The following RBFOX1 variants were observed in gnomAD, a reference collection of about 807,000 sequenced individuals.
RBFOX1 encodes the protein RNA binding protein fox-1 homolog 1.
A neutral mutation model predicts 57.7 loss-of-function variants in RBFOX1; 8 were observed. That is an observed-to-expected ratio of 0.14 (90% CI 0.08 to 0.25). The LOEUF (loss-of-function observed/expected upper bound fraction) is 0.25. Among genes scored for constraint, RBFOX1 ranks in the 10% least tolerant of loss-of-function variants. The pLI is 1.00. For synonymous variants in RBFOX1, 326 were observed against 222.4 expected (o/e 1.47, Z -4.15); for missense variants, 611 against 548.5 (o/e 1.11, Z -1.14).
chr16:7,468,836 C>G (rs565977451), intron 4 of RBFOX1, among the ~76,000 whole-genome samples: 1 of 152,040 alleles, frequency 6.6e-6, no homozygotes, highest in Admixed American at 6.5e-5. Context: ...GATGGCTGAC[C>G]AAGAGTCAAG....
chr16:6,688,417 G>A lies in RBFOX1; in HGVS notation c.-16+33767G>A, dbSNP rs1044270175. 5.3e-5 allele frequency among the ~76,000 whole-genome samples: 8 copies of A among 152,238 alleles called. No individual in the cohort carries two copies. In the East Asian group the frequency reaches 1.5e-3, roughly 29 times the overall value. Reference sequence around the variant, plus strand: ...CAATTGGGCATGTGATTTGAGCAGGGACACAGATGCAAACCGTATTACCTG... The same window carrying A: ...CAATTGGGCATGTGATTTGAGCAGGAACACAGATGCAAACCGTATTACCTG... On this transcript the variant is annotated intron_variant, in intron 3 of 15. Coordinates refer to ENST00000550418, the MANE Select transcript of RBFOX1 (RefSeq NM_018723.4).
chr16:6,747,205 C>G (rs567471269), intron 3 of RBFOX1, among the ~76,000 whole-genome samples: 1 of 152,194 alleles, frequency 6.6e-6, no homozygotes, highest in South Asian at 2.1e-4. Flanking sequence ...GTCAGGAGTT[C>G]GAGACCAGCC....
At position 5,443,700 on chromosome 16, in the gene RBFOX1, T is replaced by C. The variant is rs146654461; in HGVS notation, c.220-23516T>C. 7.1e-4 allele frequency among the ~76,000 whole-genome samples: 108 copies of C among 152,340 alleles called. 1 individual carries two copies. The East Asian group carries it at 0.015, about 22-fold the overall frequency. On this transcript the variant is annotated intron_variant, in intron 1 of 2. Coordinates refer to the RBFOX1 transcript ENST00000585867. Reference sequence around the variant, plus strand: ...CCCCCATATAATAGCTAATATTTACTGAGTGTTTACTCTGGGTCAGGGACC... The same window carrying C: ...CCCCCATATAATAGCTAATATTTACCGAGTGTTTACTCTGGGTCAGGGACC...
rs147458678 is a variant in RBFOX1, at chr16:6,792,855, C to T, written c.-16+138205C>T. On this transcript the variant is annotated intron_variant, in intron 3 of 15. Transcript: ENST00000550418. ...ACCAGCCTGGACAAGATGGTGAAAC[C>T]CTGTCTCTACTAAAAATACAAAAAA... is the stretch of plus-strand genomic sequence containing the variant. Among the ~76,000 whole-genome samples the T allele has an allele frequency of 1.0e-3, 152 of 152,018 alleles. 2 individuals carry two copies. The East Asian group carries it at 0.028, about 28-fold the overall frequency.
chr16:5,317,436 T>G (rs2064273078), intron 1 of RBFOX1, among the ~76,000 whole-genome samples: 2 of 152,158 alleles, frequency 1.3e-5, no homozygotes, highest in South Asian at 4.1e-4. Context: ...GGTGAAACCC[T>G]GTCTCTACTA....
chr16:6,654,687 A>C (rs1416186688), intron 3 of RBFOX1, 37 bp downstream of exon 3: 10 of 1,460,238 alleles, frequency 6.8e-6, no homozygotes, highest in Middle Eastern at 1.7e-4. Flanking sequence ...GTTGCAAACA[A>C]AACAAGAACT....
intron 2 of RBFOX1, among the ~76,000 whole-genome samples, chr16:6,344,889 C>G (rs150706068): frequency 6.6e-6 from 1 of 150,922 alleles, no homozygotes; most frequent in African/African-American, 2.4e-5. Flanking sequence ...CGAGGTTTCA[C>G]CAGGTTGGCC....
intron 3 of RBFOX1, among the ~76,000 whole-genome samples, chr16:6,810,859 G>T (rs1258484217): frequency 6.6e-6 from 1 of 152,146 alleles, no homozygotes; most frequent in African/African-American, 2.4e-5. Flanking sequence ...CCAATCACAA[G>T]CCTCCCTCAA....
intron 4 of RBFOX1, among the ~76,000 whole-genome samples, chr16:7,454,365 C>T (rs934906598): frequency 1.3e-5 from 2 of 152,144 alleles, no homozygotes; most frequent in Non-Finnish European, 2.9e-5. Context: ...CAGTGTCTTG[C>T]CAGATTTTCT....
intron 2 of RBFOX1, among the ~76,000 whole-genome samples, chr16:6,319,452 C>A (rs967333982): frequency 3.9e-5 from 6 of 152,100 alleles, no homozygotes; most frequent in Non-Finnish European, 7.4e-5. Flanking sequence ...GATGGTCGAA[C>A]AGGTACAACA....
chr16:7,098,886 C>T (rs761979523), intron 4 of RBFOX1, among the ~76,000 whole-genome samples: 5 of 151,984 alleles, frequency 3.3e-5, no homozygotes, highest in South Asian at 4.2e-4. Flanking sequence ...TTGCAGTAAC[C>T]CTCAGTTTCT....
chr16:5,489,425 T>G (rs1198239234), intron 2 of RBFOX1, among the ~76,000 whole-genome samples: 1 of 152,210 alleles, frequency 6.6e-6, no homozygotes, highest in East Asian at 1.9e-4. Context: ...CCAGGTAGGT[T>G]AAAAGAACAG....
intron 4 of RBFOX1, among the ~76,000 whole-genome samples, chr16:7,193,748 A>G (rs1224467049): frequency 2.6e-5 from 4 of 152,200 alleles, no homozygotes; most frequent in African/African-American, 9.6e-5. Context: ...ACCAGCAACC[A>G]TGGTAGACAG....
In RBFOX1 at chr16:7,676,715, G is replaced by A. The variant is rs984845031; in HGVS notation, c.931-59G>A. On this transcript the variant is annotated intron_variant, in intron 13 of 15. Coordinates refer to ENST00000550418, the MANE Select transcript of RBFOX1 (RefSeq NM_018723.4). The stretch of plus-strand genomic sequence containing the variant: ...GCTGCTCTGGTGTGGTCTTGCCACT[G>A]GGCATCCCTGCATTGGGCTCCGCTA... 13 of 1,430,910 alleles carry A rather than the reference G, an allele frequency of 9.1e-6. No homozygotes were observed. The Admixed American group carries it at 1.5e-4, about 17-fold the overall frequency. 88.6% of individuals were successfully genotyped at this position (1,430,910 alleles called of 1,614,324 possible). A position where few individuals can be genotyped will look rare whatever the true frequency, so the allele number is the denominator to read the frequency against.
intron 3 of RBFOX1, among the ~76,000 whole-genome samples, chr16:5,661,568 T>A (rs2049651095): frequency 6.6e-6 from 1 of 152,234 alleles, no homozygotes; most frequent in South Asian, 2.1e-4. Context: ...TGACAAAACT[T>A]GTATATGTTT....
At chr16:6,515,453 A>C (rs988129399) in intron 2 of RBFOX1, among the ~76,000 whole-genome samples, 17 of 152,194 alleles carry the variant, frequency 1.1e-4, no homozygotes, top group African/African-American at 4.1e-4. Context: ...TTTTTCTTAG[A>C]ATCTAAGACA....
chr16:6,740,240 TAAG>T (rs1220296193), intron 3 of RBFOX1, among the ~76,000 whole-genome samples: 1 of 151,792 alleles, frequency 6.6e-6, no homozygotes, highest in Non-Finnish European at 1.5e-5. Flanking sequence ...CAGAAAAAAA[TAAG>T]AATCGATAAC....
rs982430054 is a variant in RBFOX1, at chr16:5,871,155, A to G, written c.351+3820A>G. ...CCACACACAGTTTTAATAAGATGGC[A>G]CATGAGCTATTGAGAAACGTTAAAA... On this transcript the variant is annotated intron_variant, in intron 4 of 19. Transcript: ENST00000641259. 5.3e-5 allele frequency among the ~76,000 whole-genome samples: 8 copies of G among 152,368 alleles called. No individual in the cohort carries two copies. The South Asian group carries it at 1.4e-3, about 28-fold the overall frequency.
At chr16:5,657,680 C>CT (rs1268720076) in intron 3 of RBFOX1, among the ~76,000 whole-genome samples, 54 of 90,436 alleles carry the variant, frequency 6.0e-4, no homozygotes, top group South Asian at 1.9e-3. Flanking sequence ...CTTTTCTTTT[C>CT]TTTCTTTCTT....
Sources: allele counts gnomAD v4.1 joint callset (sites outside exome capture counted in the v4.1 genomes callset), GRCh38; gene constraint gnomAD v4.1.1; transcripts MANE v1.5; gene names NCBI Gene and HGNC (gene_info 2026-07-23, HGNC 2026-07-21).